AOC1: variants seen among roughly 807,000 people sequenced by gnomAD.
AOC1 encodes the protein diamine oxidase [copper-containing].
Under a neutral mutation model 57.1 loss-of-function variants are expected in AOC1, and 58 were observed. That is an observed-to-expected ratio of 1.02 (90% confidence interval 0.82 to 1.26). The LOEUF (loss-of-function observed/expected upper bound fraction) is 1.26, where lower values mean the gene tolerates loss of function less well. AOC1 is among the 50% of genes most tolerant of loss of function. AOC1 has a pLI of 0.00. For missense variants in AOC1, 917 were observed against 1,005.3 expected, an observed-to-expected ratio of 0.91 and a Z score of 1.19; for synonymous variants, 401 against 423.4, an observed-to-expected ratio of 0.95 and a Z score of 0.65.
chr7:150,857,476 G>A lies in AOC1; in HGVS notation c.1006G>A (p.Val336Ile). The change falls in exon 2 of 5, where the codon GTC becomes ATC. Residue 336 changes from valine (V) to isoleucine (I), a missense_variant. Coordinates refer to ENST00000360937, the MANE Select transcript of AOC1 (RefSeq NM_001091.4). This position sits in a 1 kb window ranked among gnomAD's most constrained non-coding sequence, Gnocchi z 6.6. ...FRLRSSSGLQ[V>I]LNVHFGGERI... is the part of the protein sequence containing the mutation. ...GCTGCGCTCCTCCTCCGGGCTGCAG[G>A]TCCTGAACGTGCACTTCGGCGGAGA... 6.2e-7 allele frequency: 1 copy of A among 1,613,182 alleles called. No homozygotes were observed. The highest frequency in any genetic ancestry group is 1.6e-4 in the Middle Eastern group (1 of 6,062).
chr7:150,859,766 G>C (rs188746681), intron 3 of AOC1: 3 of 154,388 alleles, frequency 1.9e-5, no homozygotes, highest in South Asian at 2.0e-4. Context: ...AAGTGGGAGT[G>C]GCTCATCCCA....
intron 1 of AOC1, among the ~76,000 whole-genome samples, chr7:150,854,679 C>A (rs148305318): frequency 6.6e-6 from 1 of 152,194 alleles, no homozygotes; most frequent in Admixed American, 6.5e-5. Context: ...GTGTTCCCAA[C>A]GCTTGTGCTT....
At chr7:150,858,621 G>A (rs1424981045) in intron 2 of AOC1, 142 bp from the exon 3 acceptor site, 20 of 921,252 alleles carry the variant, frequency 2.2e-5, no homozygotes, top group African/African-American at 3.4e-5. Flanking sequence ...CACCACAGCC[G>A]CCCAGGGCAT....
rs372566702 is a variant in AOC1, at chr7:150,857,760, C to G, written c.1290C>G (p.His430Gln). The stretch of plus-strand genomic sequence containing the variant: ...CCACAGGGGTGCCCCTTCGGCGGCA[C>G]TTTAATTCCAACTTTAAAGGTGGCT... ...EMPTGVPLRR[H>Q]FNSNFKGGFN... The change falls in exon 2 of 5, where the codon CAC becomes CAG. Residue 430 changes from histidine (H) to glutamine (Q), a missense_variant. Coordinates refer to ENST00000360937, the MANE Select transcript of AOC1 (RefSeq NM_001091.4). This position sits in a 1 kb window ranked among gnomAD's most constrained non-coding sequence, Gnocchi z 6.6. 6.2e-7 allele frequency: 1 copy of G among 1,614,100 alleles called. No homozygotes were observed. Among genetic ancestry groups the G allele is most frequent in the African/African-American group, 1.3e-5 (1 of 74,952 alleles).
rs765084312 is a variant in AOC1, at chr7:150,857,923, G to A, written c.1453G>A (p.Val485Ile). ...GGCCAAGATGCATGCCACTGGCTACGTCCACGCCACCTTCTACACCCCCGA... is the reference window on the plus strand; with the variant it reads ...GGCCAAGATGCATGCCACTGGCTACATCCACGCCACCTTCTACACCCCCGA... ...MEAKMHATGY[V>I]HATFYTPEGL... Residue 485 changes from valine to isoleucine, a missense_variant, in exon 2 of 5, where the codon GTC becomes ATC. Val to Ile is a conservative substitution (Grantham distance 29). Coordinates refer to ENST00000360937, the MANE Select transcript of AOC1 (RefSeq NM_001091.4). The surrounding 1 kb of genome is among the most constrained non-coding windows in gnomAD (Gnocchi z 6.6). 71 of 1,612,414 alleles carry A rather than the reference G, an allele frequency of 4.4e-5. No homozygotes were observed. Among genetic ancestry groups the A allele is most frequent in the Non-Finnish European group, 5.2e-5 (61 of 1,179,698 alleles).
In AOC1 at chr7:150,856,527, G is replaced by T; in HGVS notation, c.57G>T (p.Ala19=). The change falls in exon 2 of 5, where the codon GCG becomes GCT. Residue 19 remains alanine, a synonymous_variant. Transcript: ENST00000360937. This position sits in a 1 kb window ranked among gnomAD's most constrained non-coding sequence, Gnocchi z 5.2. ...TCCTGATGCTGCAGACGGCCATGGC[G>T]GAGCCCTCCCCGGGGACTCTGCCCA... The part of the protein sequence containing the change: ...AAILMLQTAM[A]EPSPGTLPRK... The T allele has an allele frequency of 6.2e-7, 1 of 1,614,070 alleles. No homozygotes were observed.
intron 2 of AOC1, 90 bp downstream of exon 2, chr7:150,858,130 G>C: frequency 6.9e-7 from 1 of 1,453,152 alleles, no homozygotes; most frequent in Non-Finnish European, 9.1e-7. Context: ...ACTCCCTGGT[G>C]GTGGAAAGTT....
In AOC1 at chr7:150,861,031, G is replaced by A; in HGVS notation, c.2078G>A (p.Gly693Asp). 6.2e-7 allele frequency: 1 copy of A among 1,614,070 alleles called. No individual in the cohort carries two copies. Among genetic ancestry groups the A allele is most frequent in the East Asian group, 2.2e-5 (1 of 44,868 alleles). Residue 693 changes from glycine to aspartate, a missense_variant, in exon 5 of 5, where the codon GGC (glycine) becomes GAC (aspartate). Gly to Asp is a moderately conservative substitution (Grantham distance 94). Coordinates refer to ENST00000360937, the MANE Select transcript of AOC1 (RefSeq NM_001091.4). This position sits in a 1 kb window ranked among gnomAD's most constrained non-coding sequence, Gnocchi z 4.5. ...PNTATPGNSV[G>D]FLLRPFNFFP... ...ACAGCCACACCTGGGAACTCCGTGG[G>A]CTTCCTGCTCCGGCCATTCAACTTC...
chr7:150,857,110 C>T lies in AOC1; in HGVS notation c.640C>T (p.Pro214Ser), dbSNP rs1218775648. The T allele has an allele frequency of 2.5e-6, 4 of 1,614,024 alleles. No homozygotes were observed. The highest frequency in any genetic ancestry group is 2.2e-5 in the East Asian group (1 of 44,876). The change falls in exon 2 of 5, where the codon CCC (proline) becomes TCC (serine). Residue 214 changes from proline (P) to serine (S), a missense_variant. Physicochemically the swap from Pro to Ser is moderately conservative, Grantham distance 74. Coordinates refer to ENST00000360937, the MANE Select transcript of AOC1 (RefSeq NM_001091.4). This position sits in a 1 kb window ranked among gnomAD's most constrained non-coding sequence, Gnocchi z 6.6. ...QRYVEGYFLH[P>S]TGLELLVDHG... is the part of the protein sequence containing the mutation. The stretch of plus-strand genomic sequence containing the variant: ...CTATGTAGAAGGCTACTTTCTGCAC[C>T]CCACTGGGCTGGAGCTCCTCGTGGA...
rs1264903348 is a variant in AOC1 at position 150,860,587 on chromosome 7, T to C, written c.1943T>C (p.Val648Ala). The change falls in exon 4 of 5, where the codon GTG (valine) becomes GCG (alanine). Residue 648 changes from valine to alanine, a missense_variant. Transcript: ENST00000360937. ...CAGAACGACCCCTGGCACCCGCCCGTGGTCTTTGAGCAGTTTCTTCACAAC... is the reference window on the plus strand; with the variant it reads ...CAGAACGACCCCTGGCACCCGCCCGCGGTCTTTGAGCAGTTTCTTCACAAC... ...YHQNDPWHPP[V>A]VFEQFLHNNE... is the part of the protein sequence containing the mutation. 3.7e-6 allele frequency: 6 copies of C among 1,613,968 alleles called. No homozygotes were observed. Among genetic ancestry groups the C allele is most frequent in the Admixed American group, 1.7e-5 (1 of 60,012 alleles).
intron 2 of AOC1, 37 bp downstream of exon 2, chr7:150,858,077 T>C: frequency 6.7e-7 from 1 of 1,493,084 alleles, no homozygotes; most frequent in Non-Finnish European, 8.9e-7. Flanking sequence ...TTCAAACATC[T>C]GCATCCAGCC....
Position 150,861,329 on chromosome 7 carries a change from G to A in AOC1, c.*120G>A. On this transcript the variant is annotated 3_prime_UTR_variant, in exon 5 of 5. Transcript: ENST00000360937. The surrounding 1 kb of genome is among the most constrained non-coding windows in gnomAD (Gnocchi z 4.5). The stretch of plus-strand genomic sequence containing the variant: ...TTCTTGCGGGGAGGCACAGGGCCAT[G>A]TGTGTAGGAAACACACGAACAGACG... 2 of 1,242,816 alleles carry A rather than the reference G, an allele frequency of 1.6e-6. No individual in the cohort carries two copies. Among genetic ancestry groups the A allele is most frequent in the Non-Finnish European group, 1.1e-6 (1 of 912,658 alleles). The allele number at this position is 1,242,816 out of a possible 1,614,324, so 77.0% of individuals were successfully genotyped here.
Position 150,857,568 on chromosome 7 carries a change from C to A in AOC1, c.1098C>A (p.Gly366=). The change falls in exon 2 of 5, where the codon GGC becomes GGA. Residue 366 remains glycine (G), a synonymous_variant. Transcript: ENST00000360937. The surrounding 1 kb of genome is among the most constrained non-coding windows in gnomAD (Gnocchi z 6.6). The part of the protein sequence containing the change: ...VALYGGHTPA[G]MQTKYLDVGW... ...TGTATGGAGGACACACACCTGCAGG[C>A]ATGCAGACCAAGTACCTCGATGTCG... 3 of 1,614,064 alleles carry A rather than the reference C, an allele frequency of 1.9e-6. No individual in the cohort carries two copies. In the East Asian group the frequency reaches 6.7e-5, roughly 36 times the overall value.
At chr7:150,858,486 T>C (rs895770237) in intron 2 of AOC1, among the ~76,000 whole-genome samples, 4 of 152,082 alleles carry the variant, frequency 2.6e-5, no homozygotes, top group Non-Finnish European at 4.4e-5. Flanking sequence ...TCAGCCCCAG[T>C]CACCTCTCTG....
chr7:150,855,956 G>C (rs1799755526), intron 1 of AOC1, among the ~76,000 whole-genome samples: 1 of 151,562 alleles, frequency 6.6e-6, no homozygotes, highest in Admixed American at 6.6e-5. Flanking sequence ...ATGAGTCACT[G>C]GGACTTGACT....
In AOC1 at chr7:150,861,032, C is replaced by G; in HGVS notation, c.2079C>G (p.Gly693=). The G allele has an allele frequency of 6.2e-7, 1 of 1,614,106 alleles. No homozygotes were observed. The highest frequency in any genetic ancestry group is 8.5e-7 in the Non-Finnish European group (1 of 1,179,980). Residue 693 remains glycine (G), a synonymous_variant, in exon 5 of 5, where the codon GGC becomes GGG. Coordinates refer to ENST00000360937, the MANE Select transcript of AOC1 (RefSeq NM_001091.4). The surrounding 1 kb of genome is among the most constrained non-coding windows in gnomAD (Gnocchi z 4.5). ...CAGCCACACCTGGGAACTCCGTGGG[C>G]TTCCTGCTCCGGCCATTCAACTTCT... The part of the protein sequence containing the change: ...PNTATPGNSV[G]FLLRPFNFFP...
chr7:150,857,871 T>C lies in AOC1; in HGVS notation c.1401T>C (p.Phe467=), dbSNP rs764338099. ...ACAATTATGATTACATTTGGGACTT[T>C]ATCTTCTACCCCAACGGGGTGATGG... ...TVYNYDYIWD[F]IFYPNGVMEA... is the part of the protein sequence containing the mutation. The change falls in exon 2 of 5, where the codon TTT becomes TTC. Residue 467 remains phenylalanine, a synonymous_variant. Coordinates refer to ENST00000360937, the MANE Select transcript of AOC1 (RefSeq NM_001091.4). This position sits in a 1 kb window ranked among gnomAD's most constrained non-coding sequence, Gnocchi z 6.6. 2 of 1,613,820 alleles carry C rather than the reference T, an allele frequency of 1.2e-6. No homozygotes were observed. The highest frequency in any genetic ancestry group is 2.2e-5 in the South Asian group (2 of 91,058).
upstream of AOC1, chr7:150,852,339 C>T (rs17173645): frequency 1.3e-4 from 20 of 152,374 alleles, no homozygotes; most frequent in East Asian, 3.9e-3. This position sits in a 1 kb window ranked among gnomAD's most constrained non-coding sequence, Gnocchi z 4.6. Flanking sequence ...TGGAAACAGA[C>T]TCAGGACAAG....
In AOC1 at chr7:150,857,418, T is replaced by C. The variant is rs890217617; in HGVS notation, c.948T>C (p.Ala316=). ...CTCGCTTCAGGCTGGAGGGCAACGC[T>C]GTGCTCTACGGCGGCTGGAGCTTTG... ...HGPRFRLEGN[A]VLYGGWSFAF... The change falls in exon 2 of 5, where the codon GCT becomes GCC. Residue 316 remains alanine, a synonymous_variant. Coordinates refer to ENST00000360937, the MANE Select transcript of AOC1 (RefSeq NM_001091.4). This position sits in a 1 kb window ranked among gnomAD's most constrained non-coding sequence, Gnocchi z 6.6. 5 of 1,612,270 alleles carry C rather than the reference T, an allele frequency of 3.1e-6. No homozygotes were observed. Among genetic ancestry groups the C allele is most frequent in the Non-Finnish European group, 4.2e-6 (5 of 1,179,658 alleles).
Sources: gnomAD v4.1 joint callset for allele counts (sites outside exome capture counted in the v4.1 genomes callset) on GRCh38, gnomAD v4.1.1 for gene constraint, Gnocchi (gnomAD v3.1) non-coding constraint, MANE v1.5 for transcripts, NCBI Gene and HGNC (gene_info 2026-07-23, HGNC 2026-07-21) for gene names.